The following SYT1 variants were observed in gnomAD, a reference collection of about 807,000 sequenced individuals.
SYT1 encodes synaptotagmin 1.
A neutral mutation model predicts 44.8 loss-of-function variants in SYT1; 8 were observed. The observed-to-expected ratio is 0.18, with a 90% confidence interval of 0.10 to 0.32. The LOEUF is 0.32. Among genes scored for constraint, SYT1 ranks in the 10% least tolerant of loss-of-function variants. The pLI, the probability that SYT1 is intolerant of heterozygous loss-of-function variation, is 1.00. For synonymous variants in SYT1, 154 were observed against 188.8 expected, an observed-to-expected ratio of 0.82 and a Z score of 1.51; for missense variants, 286 against 509.3, an observed-to-expected ratio of 0.56 and a Z score of 4.22.
intron 3 of SYT1, among the ~76,000 whole-genome samples, chr12:79,164,109 A>C (rs534826342): frequency 6.6e-6 from 1 of 152,202 alleles, no homozygotes; most frequent in African/African-American, 2.4e-5. Flanking sequence ...AAAAAATAAG[A>C]TCACAAGCAT....
chr12:79,386,144 C>CTAT (rs901258371), intron 9 of SYT1, among the ~76,000 whole-genome samples: 7 of 152,244 alleles, frequency 4.6e-5, no homozygotes, highest in African/African-American at 1.7e-4. Context: ...TTTAAAATTA[C>CTAT]TTTAAACCAT....
intron 8 of SYT1, among the ~76,000 whole-genome samples, chr12:79,321,675 G>A (rs1881365890): frequency 6.6e-6 from 1 of 152,150 alleles, no homozygotes; most frequent in South Asian, 2.1e-4. Flanking sequence ...AGGGCACTGG[G>A]TTTGAGTCTG....
At chr12:78,997,160 A>G (rs1870434876) in intron 2 of SYT1, among the ~76,000 whole-genome samples, 1 of 152,204 alleles carries the variant, frequency 6.6e-6, no homozygotes, top group East Asian at 1.9e-4. Flanking sequence ...TGATTTTTCT[A>G]TTTGGATAAG....
At chr12:79,103,365 T>C (rs1374232795) in intron 3 of SYT1, among the ~76,000 whole-genome samples, 1 of 152,100 alleles carries the variant, frequency 6.6e-6, no homozygotes, top group Non-Finnish European at 1.5e-5. Flanking sequence ...ATGAAAATAG[T>C]GAACCAGTAA....
At chr12:78,973,100 T>C (rs905264425) in intron 1 of SYT1, among the ~76,000 whole-genome samples, 1 of 152,184 alleles carries the variant, frequency 6.6e-6, no homozygotes, top group Non-Finnish European at 1.5e-5. Flanking sequence ...CTACAACAAC[T>C]CTAACAACTG....
At chr12:79,391,682 A>G (rs1254809895) in intron 9 of SYT1, among the ~76,000 whole-genome samples, 2 of 152,194 alleles carry the variant, frequency 1.3e-5, no homozygotes, top group East Asian at 3.8e-4. Context: ...TTTTTAGTTG[A>G]TTCCCGCCCC....
intron 2 of SYT1, among the ~76,000 whole-genome samples, chr12:79,042,250 G>T (rs1387311281): frequency 6.6e-6 from 1 of 151,634 alleles, no homozygotes. Flanking sequence ...GAATCCATCT[G>T]GTCCTGGACT....
intron 4 of SYT1, among the ~76,000 whole-genome samples, chr12:79,273,121 CTT>C (rs34751116): frequency 1.6e-4 from 22 of 138,754 alleles, no homozygotes; most frequent in African/African-American, 3.7e-4. Context: ...TTTTTTCTTT[CTT>C]TTTTTTTTTT....
intron 5 of SYT1, among the ~76,000 whole-genome samples, chr12:79,291,203 A>C (rs890039840): frequency 6.6e-6 from 1 of 152,226 alleles, no homozygotes; most frequent in Non-Finnish European, 1.5e-5. Flanking sequence ...AGAGTATTCA[A>C]TTGGTCAGAC....
chr12:79,053,712 T>G (rs1874714649), intron 3 of SYT1, among the ~76,000 whole-genome samples: 1 of 151,122 alleles, frequency 6.6e-6, no homozygotes, highest in Non-Finnish European at 1.5e-5. Flanking sequence ...AAACAATAAG[T>G]ATTATTACAT....
chr12:79,234,094 ATTCT>A (rs1488897828), intron 4 of SYT1, among the ~76,000 whole-genome samples: 1 of 151,912 alleles, frequency 6.6e-6, no homozygotes, highest in Non-Finnish European at 1.5e-5. Flanking sequence ...TCCTTCTAAC[ATTCT>A]TTCTCTCTCT....
At chr12:78,947,772 C>G (rs1024595619) in intron 1 of SYT1, among the ~76,000 whole-genome samples, 1 of 149,454 alleles carries the variant, frequency 6.7e-6, no homozygotes, top group Non-Finnish European at 1.5e-5. Context: ...TAAAAAAGCT[C>G]GAGTCTATTC....
At chr12:79,444,328 C>T in intron 10 of SYT1, 122 bp downstream of exon 10, 1 of 1,205,620 alleles carries the variant, frequency 8.3e-7, no homozygotes, top group Non-Finnish European at 1.2e-6. Context: ...CATTCTTTCT[C>T]CCCATGCACA....
At chr12:79,150,939 A>T (rs536225316) in intron 3 of SYT1, among the ~76,000 whole-genome samples, 1 of 152,096 alleles carries the variant, frequency 6.6e-6, no homozygotes, top group Non-Finnish European at 1.5e-5. Flanking sequence ...AGTGCCTAGA[A>T]AAAAGGAAAA....
At chr12:79,414,935 A>G (rs962377929) in intron 9 of SYT1, among the ~76,000 whole-genome samples, 4 of 152,150 alleles carry the variant, frequency 2.6e-5, no homozygotes, top group African/African-American at 9.7e-5. Flanking sequence ...GATGTGCAAA[A>G]CAGACAAATC....
chr12:79,228,742 G>C (rs1875676888), intron 4 of SYT1, among the ~76,000 whole-genome samples: 1 of 152,130 alleles, frequency 6.6e-6, no homozygotes, highest in South Asian at 2.1e-4. Flanking sequence ...TTCTGTACCT[G>C]CATTCAAGTT....
intron 2 of SYT1, among the ~76,000 whole-genome samples, chr12:79,018,785 T>C (rs566361729): frequency 5.3e-5 from 8 of 152,210 alleles, no homozygotes; most frequent in African/African-American, 1.9e-4. Flanking sequence ...AAGAGTTTCC[T>C]TCTAATAATT....
intron 9 of SYT1, among the ~76,000 whole-genome samples, chr12:79,386,737 G>T (rs1222792907): frequency 6.6e-6 from 1 of 152,234 alleles, no homozygotes; most frequent in Admixed American, 6.5e-5. Flanking sequence ...AAACGTCTCA[G>T]TGCCTGTTCC....
At chr12:79,055,444 C>G (rs1323540275) in intron 3 of SYT1, among the ~76,000 whole-genome samples, 1 of 151,938 alleles carries the variant, frequency 6.6e-6, no homozygotes, top group Non-Finnish European at 1.5e-5. Flanking sequence ...GACTTTAAAT[C>G]AAATGATTTA....
Sources: allele counts gnomAD v4.1 joint callset (sites outside exome capture counted in the v4.1 genomes callset), GRCh38; gene constraint gnomAD v4.1.1; transcripts MANE v1.5; gene names NCBI Gene and HGNC (gene_info 2026-07-23, HGNC 2026-07-21).